The following AGBL1 variants were observed in gnomAD, a reference collection of about 807,000 sequenced individuals.
The protein encoded by AGBL1 is cytosolic carboxypeptidase 4.
In AGBL1, 130 loss-of-function variants were observed where a neutral mutation model predicts 118.9. The observed-to-expected ratio is 1.09, with a 90% CI of 0.95 to 1.26. The LOEUF (loss-of-function observed/expected upper bound fraction) is 1.26, where lower values mean the gene tolerates loss of function less well. Among genes scored for constraint, AGBL1 ranks in the 50% most tolerant of loss-of-function variants. The pLI is 0.00. For synonymous variants in AGBL1, 555 were observed against 478.9 expected, an observed-to-expected ratio of 1.16 and a Z score of -2.08; for missense variants, 1,584 against 1,298.1, an observed-to-expected ratio of 1.22 and a Z score of -3.38.
intron 18 of AGBL1, among the ~76,000 whole-genome samples, chr15:86,513,354 A>G (rs2083075677): frequency 6.6e-6 from 1 of 151,828 alleles, no homozygotes; most frequent in African/African-American, 2.4e-5. Flanking sequence ...GTGGCTTTGT[A>G]TTTCTGGCAA....
intron 6 of AGBL1, among the ~76,000 whole-genome samples, chr15:86,226,468 G>A (rs1189521425): frequency 1.3e-5 from 2 of 152,160 alleles, no homozygotes; most frequent in Admixed American, 6.5e-5. Flanking sequence ...GAGTAAGGCT[G>A]GCTTACTTTC....
At chr15:86,620,962 A>G (rs1027499044) in intron 21 of AGBL1, among the ~76,000 whole-genome samples, 1 of 151,690 alleles carries the variant, frequency 6.6e-6, no homozygotes, top group Non-Finnish European at 1.5e-5. Context: ...AAATCTCTCT[A>G]TTATTTTCTA....
chr15:86,742,829 A>G (rs1352677147), intron 22 of AGBL1, among the ~76,000 whole-genome samples: 4 of 152,158 alleles, frequency 2.6e-5, no homozygotes, highest in African/African-American at 9.7e-5. Flanking sequence ...TCTGTTAGTC[A>G]CTAAATTAAA....
chr15:86,387,113 T>TGAGTTGTA (rs1284135548), intron 17 of AGBL1, among the ~76,000 whole-genome samples: 1 of 152,044 alleles, frequency 6.6e-6, no homozygotes, highest in African/African-American at 2.4e-5. Flanking sequence ...GGTCACATGG[T>TGAGTTGTA]GAGTTGTACA....
chr15:86,310,862 GA>G (rs1246337226), intron 17 of AGBL1, among the ~76,000 whole-genome samples: 2 of 152,174 alleles, frequency 1.3e-5, no homozygotes, highest in Non-Finnish European at 2.9e-5. Context: ...AAACGTATGT[GA>G]GGATTTGCTT....
At chr15:86,654,193 C>T (rs1180032938) in intron 21 of AGBL1, among the ~76,000 whole-genome samples, 1 of 152,052 alleles carries the variant, frequency 6.6e-6, no homozygotes, top group Middle Eastern at 3.2e-3. Flanking sequence ...AAGGGAAAAG[C>T]AAGAAGGGGA....
chr15:86,499,314 A>G (rs1161787497), intron 18 of AGBL1, among the ~76,000 whole-genome samples: 2 of 151,900 alleles, frequency 1.3e-5, no homozygotes, highest in Non-Finnish European at 2.9e-5. Flanking sequence ...ATCTCTCCTC[A>G]AGAAGTGGGA....
chr15:86,453,362 G>A (rs576944088), intron 18 of AGBL1, among the ~76,000 whole-genome samples: 17 of 152,170 alleles, frequency 1.1e-4, no homozygotes, highest in South Asian at 1.0e-3. Flanking sequence ...TGCATGTTCC[G>A]GAAACTTCAA....
chr15:86,690,288 C>T (rs2086140062), intron 22 of AGBL1, among the ~76,000 whole-genome samples: 1 of 151,922 alleles, frequency 6.6e-6, no homozygotes, highest in Non-Finnish European at 1.5e-5. Flanking sequence ...TCACAGATGC[C>T]CCAAGATAGA....
chr15:86,870,492 A>T (rs1210663012), intron 22 of AGBL1, among the ~76,000 whole-genome samples: 1 of 131,786 alleles, frequency 7.6e-6, no homozygotes, highest in African/African-American at 2.8e-5. Context: ...AAAAAAAAAA[A>T]AAAAGAAGAA....
chr15:86,471,301 G>A (rs2082475643), intron 18 of AGBL1, among the ~76,000 whole-genome samples: 1 of 152,146 alleles, frequency 6.6e-6, no homozygotes, highest in Non-Finnish European at 1.5e-5. Flanking sequence ...TATTGAGACA[G>A]TCATATGATT....
At chr15:86,787,447 A>G (rs2078428864) in intron 22 of AGBL1, among the ~76,000 whole-genome samples, 1 of 152,116 alleles carries the variant, frequency 6.6e-6, no homozygotes, top group South Asian at 2.1e-4. Flanking sequence ...CTACCCTAGT[A>G]ATTGCTGTTC....
chr15:86,958,261 T>G (rs2080953741), intron 23 of AGBL1, among the ~76,000 whole-genome samples: 1 of 151,214 alleles, frequency 6.6e-6, no homozygotes. Context: ...GGGACTCTCC[T>G]TTGCATTGTA....
At chr15:86,606,738 C>T (rs565594246) in intron 21 of AGBL1, among the ~76,000 whole-genome samples, 1 of 152,288 alleles carries the variant, frequency 6.6e-6, no homozygotes, top group Admixed American at 6.5e-5. Context: ...TCCCCTTTCT[C>T]TCCTCCCAGC....
At chr15:86,261,569 C>G (rs1051943977) in intron 9 of AGBL1, among the ~76,000 whole-genome samples, 1 of 152,056 alleles carries the variant, frequency 6.6e-6, no homozygotes, top group Non-Finnish European at 1.5e-5. Context: ...TCAGTACTGC[C>G]AGGTTTTTCC....
At chr15:86,466,791 C>G (rs2142095089) in intron 18 of AGBL1, among the ~76,000 whole-genome samples, 1 of 152,314 alleles carries the variant, frequency 6.6e-6, no homozygotes, top group East Asian at 1.9e-4. Flanking sequence ...TAGGTCCACT[C>G]CAGATCCTAT....
intron 5 of AGBL1, among the ~76,000 whole-genome samples, chr15:86,193,303 C>T (rs1053186525): frequency 1.3e-5 from 2 of 152,088 alleles, no homozygotes; most frequent in South Asian, 4.1e-4. Context: ...TGATAGAGTA[C>T]AGGCACAAAG....
intron 21 of AGBL1, among the ~76,000 whole-genome samples, chr15:86,585,669 C>T (rs1313466686): frequency 2.0e-5 from 3 of 152,034 alleles, no homozygotes; most frequent in Admixed American, 6.6e-5. Flanking sequence ...CCTGAGTGAG[C>T]TATTTGGACA....
chr15:87,011,950 C>T (rs1427788090), intron 24 of AGBL1, among the ~76,000 whole-genome samples: 1 of 151,798 alleles, frequency 6.6e-6, no homozygotes. Flanking sequence ...GTACATATTC[C>T]GTTTACTTTC....
Sources: gnomAD v4.1 joint callset for allele counts (sites outside exome capture counted in the v4.1 genomes callset) on GRCh38, gnomAD v4.1.1 for gene constraint, MANE v1.5 for transcripts, NCBI Gene and HGNC (gene_info 2026-07-23, HGNC 2026-07-21) for gene names.